FBXO3: variants seen among roughly 807,000 people sequenced by gnomAD.
FBXO3 encodes F-box only protein 3.
In FBXO3, 17 loss-of-function variants were observed where a neutral mutation model predicts 64.8. That is an observed-to-expected ratio of 0.26 (90% CI 0.18 to 0.39). The LOEUF (loss-of-function observed/expected upper bound fraction) is 0.39. FBXO3 is among the 10% of genes least tolerant of loss of function. The pLI is 1.00. For synonymous variants in FBXO3, 182 were observed against 201.6 expected, an observed-to-expected ratio of 0.90 and a Z score of 0.82; for missense variants, 420 against 589.9, an observed-to-expected ratio of 0.71 and a Z score of 2.98.
intron 10 of FBXO3, 63 bp downstream of exon 10, chr11:33,747,067 C>G: frequency 6.3e-7 from 1 of 1,579,856 alleles, no homozygotes; most frequent in Non-Finnish European, 8.5e-7. Flanking sequence ...ATTTGCCTGG[C>G]TTATCTGCAG....
chr11:33,745,431 C>T (rs1854791232), intron 10 of FBXO3: 1 of 151,782 alleles, frequency 6.6e-6, no homozygotes, highest in East Asian at 1.9e-4. Context: ...GGATCATTTA[C>T]CAAGATAAAC....
chr11:33,747,436 G>A, intron 9 of FBXO3, 116 bp from the exon 10 acceptor site: 108 of 747,830 alleles, frequency 1.4e-4, no homozygotes, highest in Admixed American at 3.8e-4. Context: ...TGCACAGTTA[G>A]AAAAAAAAAT....
At chr11:33,755,182 A>C (rs1478380873) in intron 5 of FBXO3, among the ~76,000 whole-genome samples, 3 of 152,070 alleles carry the variant, frequency 2.0e-5, no homozygotes, top group African/African-American at 7.2e-5. Context: ...AAAATTTAGA[A>C]TTTTCTATTT....
chr11:33,774,254 G>A (rs567676331), intron 1 of FBXO3, 140 bp downstream of exon 1: 1,908 of 706,122 alleles, frequency 2.7e-3, no homozygotes, highest in Non-Finnish European at 3.8e-3. Context: ...CGGTGGCTCC[G>A]CAGGATGAGG....
rs545314848 is a variant in FBXO3 at position 33,745,357 on chromosome 11, A to G, written c.1239+1773T>C. On this transcript the variant is annotated intron_variant, in intron 10 of 10. Transcript: ENST00000265651. Reference sequence around the variant, plus strand: ...TTGAAAAAAACTGTCAACCGATTTGACCTATCATTTATAGAGTAATATTCC... The same window carrying G: ...TTGAAAAAAACTGTCAACCGATTTGGCCTATCATTTATAGAGTAATATTCC... 12 of 151,870 alleles carry G rather than the reference A, an allele frequency of 7.9e-5. No individual in the cohort carries two copies. In the East Asian group the frequency reaches 9.6e-4, roughly 12 times the overall value. 9.4% of individuals were successfully genotyped at this position (151,870 alleles called of 1,614,324 possible). A position where few individuals can be genotyped will look rare whatever the true frequency, so the allele number is the denominator to read the frequency against.
chr11:33,774,242 C>A, intron 1 of FBXO3, 152 bp downstream of exon 1: 1 of 653,730 alleles, frequency 1.5e-6, no homozygotes, highest in Admixed American at 3.0e-5. Context: ...CGCCCCGGTC[C>A]CCGGTGGCTC....
At chr11:33,769,362 A>G (rs1173649468) in intron 2 of FBXO3, among the ~76,000 whole-genome samples, 8 of 152,158 alleles carry the variant, frequency 5.3e-5, no homozygotes, top group Non-Finnish European at 8.8e-5. Flanking sequence ...GTATTGTTTT[A>G]GAGAATACTT....
chr11:33,774,469 G>A lies in FBXO3; in HGVS notation c.29C>T (p.Pro10Leu), dbSNP rs778152597. The A allele has an allele frequency of 3.1e-6, 5 of 1,589,226 alleles. No individual in the cohort carries two copies. Among genetic ancestry groups the A allele is most frequent in the Admixed American group, 1.7e-5 (1 of 58,274 alleles). Residue 10 changes from proline to leucine, a missense_variant, in exon 1 of 11, where the codon CCG (proline) becomes CTG (leucine). Transcript: ENST00000265651. MAAMETETA[P>L]LTLESLPTDP... ...GGTGGGCAGCGACTCTAGGGTCAGC[G>A]GCGCCGTCTCGGTCTCCATGGCCGC...
At position 33,750,674 on chromosome 11, in the gene FBXO3, A is replaced by G; in HGVS notation, c.810-13T>C. ...ATCGTGAACATATCTAGGTAATTTAAAAATTAAACATTTTAAAATCAACTA... is the reference window on the plus strand; with the variant it reads ...ATCGTGAACATATCTAGGTAATTTAGAAATTAAACATTTTAAAATCAACTA... On this transcript the variant is annotated splice_polypyrimidine_tract_variant and intron_variant, in intron 7 of 10. Transcript: ENST00000265651. 1 of 1,603,082 alleles carries G rather than the reference A, an allele frequency of 6.2e-7. No homozygotes were observed. The highest frequency in any genetic ancestry group is 8.5e-7 in the Non-Finnish European group (1 of 1,172,330).
chr11:33,745,084 A>G (rs831596), intron 10 of FBXO3: 56,246 of 151,998 alleles, frequency 0.37, 10,706 homozygotes, highest in Middle Eastern at 0.54. Flanking sequence ...ACTTTAGGAC[A>G]AGGAATATTA....
At chr11:33,753,039 AT>A (rs1855003100) in intron 6 of FBXO3, 1 of 152,184 alleles carries the variant, frequency 6.6e-6, no homozygotes, top group African/African-American at 2.4e-5. Flanking sequence ...AGGATATGCC[AT>A]TTTGTGTGTT....
At chr11:33,760,031 T>G (rs1013176277) in intron 3 of FBXO3, among the ~76,000 whole-genome samples, 1 of 152,032 alleles carries the variant, frequency 6.6e-6, no homozygotes, top group Non-Finnish European at 1.5e-5. Flanking sequence ...AAGACACATA[T>G]GGGAGGACAT....
At position 33,741,981 on chromosome 11, in the gene FBXO3, T is replaced by A; in HGVS notation, c.1343A>T (p.Asp448Val). 6.2e-7 allele frequency: 1 copy of A among 1,613,836 alleles called. No individual in the cohort carries two copies. The highest frequency in any genetic ancestry group is 1.7e-5 in the Admixed American group (1 of 60,018). Residue 448 changes from aspartate to valine, a missense_variant, in exon 11 of 11, where the codon GAT (aspartate) becomes GTT (valine). Asp to Val is a radical substitution (Grantham distance 152, BLOSUM62 -3). Transcript: ENST00000265651. ...DSADMDESDE[D>V]DEEERRRRVF... Reference sequence around the variant, plus strand: ...TCTCCTCCGTCTCTCCTCTTCATCATCTTCATCTGATTCATCCATATCTGC... The same window carrying A: ...TCTCCTCCGTCTCTCCTCTTCATCAACTTCATCTGATTCATCCATATCTGC...
At chr11:33,747,791 C>T (rs368167947) in intron 9 of FBXO3, among the ~76,000 whole-genome samples, 4 of 151,196 alleles carry the variant, frequency 2.6e-5, no homozygotes, top group South Asian at 2.1e-4. Flanking sequence ...GGATATCAGG[C>T]GTGAGCCACT....
At position 33,768,831 on chromosome 11, in the gene FBXO3, G is replaced by A; in HGVS notation, c.358+20C>T. The A allele has an allele frequency of 2.5e-6, 4 of 1,613,700 alleles. No individual in the cohort carries two copies. The highest frequency in any genetic ancestry group is 3.4e-6 in the Non-Finnish European group (4 of 1,179,674). ...CTAACAGTAATGGAAACGGGGAAAG[G>A]GACCCTGAATTCCCAGTACCTTTCA... On this transcript the variant is annotated intron_variant, in intron 3 of 10. Coordinates refer to ENST00000265651, the MANE Select transcript of FBXO3 (RefSeq NM_012175.4).
At chr11:33,757,908 A>G (rs1855147519) in intron 4 of FBXO3, among the ~76,000 whole-genome samples, 1 of 151,310 alleles carries the variant, frequency 6.6e-6, no homozygotes. Context: ...GTGAGCTGAG[A>G]TCATGCTACT....
intron 2 of FBXO3, among the ~76,000 whole-genome samples, chr11:33,770,050 T>C (rs1402776348): frequency 6.6e-6 from 1 of 152,198 alleles, no homozygotes; most frequent in South Asian, 2.1e-4. Flanking sequence ...TAGTTCTAAA[T>C]GTTTATGCCT....
Position 33,741,102 on chromosome 11 carries a change from G to A in FBXO3, c.*806C>T, listed in dbSNP as rs1854676300. The A allele has an allele frequency of 6.6e-6, 1 of 152,568 alleles. No individual in the cohort carries two copies. The highest frequency in any genetic ancestry group is 1.5e-5 in the Non-Finnish European group (1 of 68,000). The allele number at this position is 152,568 out of a possible 1,614,324, so 9.5% of individuals were successfully genotyped here. A position where few individuals can be genotyped will look rare whatever the true frequency, so the allele number is the denominator to read the frequency against. On this transcript the variant is annotated 3_prime_UTR_variant, in exon 11 of 11. Coordinates refer to ENST00000265651, the MANE Select transcript of FBXO3 (RefSeq NM_012175.4). ...TCACTTATCACAAAGACAGTCAAGT[G>A]TATAAAGGAGAAACAAAACAGAAGC... is the stretch of plus-strand genomic sequence containing the variant.
At chr11:33,762,399 G>A (rs1855264773) in intron 3 of FBXO3, among the ~76,000 whole-genome samples, 1 of 152,062 alleles carries the variant, frequency 6.6e-6, no homozygotes, top group Non-Finnish European at 1.5e-5. Context: ...CCGGACCACA[G>A]AATAAGTCCT....
Sources: allele counts gnomAD v4.1 joint callset (sites outside exome capture counted in the v4.1 genomes callset), GRCh38; gene constraint gnomAD v4.1.1; transcripts MANE v1.5; gene names NCBI Gene and HGNC (gene_info 2026-07-23, HGNC 2026-07-21).